The following CABCOCO1 variants were observed in gnomAD, a reference collection of about 807,000 sequenced individuals.
CABCOCO1 encodes the protein ciliary-associated calcium-binding coiled-coil protein 1.
CABCOCO1 carries 28 observed loss-of-function variants against 35.7 expected under a neutral mutation model. The observed-to-expected ratio is 0.78, with a 90% confidence interval of 0.58 to 1.07. The LOEUF (loss-of-function observed/expected upper bound fraction) is 1.07, where lower values mean the gene tolerates loss of function less well. Among genes scored for constraint, CABCOCO1 ranks in the 50% least tolerant of loss-of-function variants. The pLI is 0.00. For missense variants in CABCOCO1, 326 were observed against 309.2 expected (o/e 1.05, Z -0.41); for synonymous variants, 95 against 100.1 (o/e 0.95, Z 0.30).
intron 1 of CABCOCO1, among the ~76,000 whole-genome samples, chr10:61,663,427 G>GC (rs1446945090): frequency 6.6e-6 from 1 of 151,366 alleles, no homozygotes; most frequent in African/African-American, 2.4e-5. Flanking sequence ...TTTTAAATGA[G>GC]CCAGTCTCTT....
chr10:61,680,451 T>C (rs1839688734), intron 2 of CABCOCO1, among the ~76,000 whole-genome samples: 1 of 40,194 alleles, frequency 2.5e-5, no homozygotes, highest in South Asian at 6.6e-4. Context: ...TAATATATTT[T>C]ATATATAACA....
chr10:61,684,970 A>G (rs888828464), intron 3 of CABCOCO1: 1 of 152,254 alleles, frequency 6.6e-6, no homozygotes, highest in Non-Finnish European at 1.5e-5. Flanking sequence ...CAAATGCCAC[A>G]GAAGACGGTT....
intron 5 of CABCOCO1, among the ~76,000 whole-genome samples, chr10:61,703,236 A>T (rs975480942): frequency 2.0e-5 from 3 of 149,562 alleles, no homozygotes; most frequent in African/African-American, 7.4e-5. Flanking sequence ...AGACACACAC[A>T]CACACACACA....
intron 5 of CABCOCO1, among the ~76,000 whole-genome samples, chr10:61,708,226 C>A (rs1365764164): frequency 6.6e-6 from 1 of 150,970 alleles, no homozygotes; most frequent in African/African-American, 2.4e-5. Flanking sequence ...TCAATGAATT[C>A]ATGAATGTGT....
intron 5 of CABCOCO1, among the ~76,000 whole-genome samples, chr10:61,755,233 G>A (rs1233729853): frequency 6.6e-6 from 1 of 152,072 alleles, no homozygotes; most frequent in Non-Finnish European, 1.5e-5. Flanking sequence ...GCATTTTGCA[G>A]GTGGCATTCA....
chr10:61,718,031 G>A (rs959519615), intron 5 of CABCOCO1, among the ~76,000 whole-genome samples: 11 of 152,072 alleles, frequency 7.2e-5, no homozygotes, highest in Admixed American at 4.6e-4. Flanking sequence ...ATGCTGGTCC[G>A]CGTGGTTCAG....
intron 5 of CABCOCO1, among the ~76,000 whole-genome samples, chr10:61,702,522 A>G (rs960770174): frequency 2.6e-5 from 4 of 152,190 alleles, no homozygotes; most frequent in African/African-American, 9.7e-5. Context: ...AGCTGGCTCT[A>G]TCTTGGTGAA....
intron 7 of CABCOCO1, 131 bp from the exon 8 acceptor site, chr10:61,765,807 TG>T: frequency 4.1e-6 from 3 of 726,592 alleles, no homozygotes. Context: ...AACACAGCTA[TG>T]TCTGCAAAAC....
chr10:61,726,817 G>A (rs1177154948), intron 5 of CABCOCO1, among the ~76,000 whole-genome samples: 1 of 146,642 alleles, frequency 6.8e-6, no homozygotes, highest in Non-Finnish European at 1.5e-5. Flanking sequence ...CAGCACTTTG[G>A]GAGGCGAGCG....
chr10:61,672,817 G>A, intron 2 of CABCOCO1, 82 bp downstream of exon 2: 3 of 856,518 alleles, frequency 3.5e-6, no homozygotes, highest in Non-Finnish European at 4.2e-6. Flanking sequence ...ACATGTATAA[G>A]CTTTTTTCAC....
chr10:61,678,368 C>A (rs892741872), intron 2 of CABCOCO1, among the ~76,000 whole-genome samples: 1 of 152,026 alleles, frequency 6.6e-6, no homozygotes, highest in African/African-American at 2.4e-5. Context: ...AAATGATGTC[C>A]AGTGCAAATT....
chr10:61,691,857 T>C (rs1321310162), intron 5 of CABCOCO1, among the ~76,000 whole-genome samples: 2 of 152,186 alleles, frequency 1.3e-5, no homozygotes, highest in Admixed American at 6.5e-5. Flanking sequence ...TATTCCATGG[T>C]GTATATGTGC....
At position 61,760,041 on chromosome 10, in the gene CABCOCO1, C is replaced by A; in HGVS notation, c.553-18C>A. ...CACCAAAGGCTCTGTCATAATTCAA[C>A]TTTTTTCTTCCCATCAGCAAGTGAT... On this transcript the variant is annotated intron_variant, in intron 5 of 7. Coordinates refer to ENST00000648843, the MANE Select transcript of CABCOCO1 (RefSeq NM_001366906.2). The A allele has an allele frequency of 6.2e-7, 1 of 1,612,000 alleles. No homozygotes were observed. The highest frequency in any genetic ancestry group is 1.3e-5 in the African/African-American group (1 of 74,910).
chr10:61,701,520 G>A (rs1840459165), intron 5 of CABCOCO1, among the ~76,000 whole-genome samples: 1 of 152,114 alleles, frequency 6.6e-6, no homozygotes, highest in Admixed American at 6.6e-5. Context: ...TTTAGCTAAG[G>A]GGATTTACTC....
chr10:61,705,440 T>C (rs1840570718), intron 5 of CABCOCO1, among the ~76,000 whole-genome samples: 1 of 152,212 alleles, frequency 6.6e-6, no homozygotes, highest in South Asian at 2.1e-4. Context: ...AGACTTTCTG[T>C]CAGTCAGTAA....
chr10:61,683,960 T>G (rs772891626), intron 3 of CABCOCO1, among the ~76,000 whole-genome samples: 2 of 152,186 alleles, frequency 1.3e-5, no homozygotes, highest in Non-Finnish European at 2.9e-5. Context: ...TATAATCAAT[T>G]ATCTAAGAAT....
At chr10:61,693,756 G>A (rs1406477792) in intron 5 of CABCOCO1, among the ~76,000 whole-genome samples, 1 of 151,868 alleles carries the variant, frequency 6.6e-6, no homozygotes, top group South Asian at 2.1e-4. Context: ...CTGGAAATAC[G>A]GAAGATAAAG....
chr10:61,747,232 AT>A (rs34572664), intron 5 of CABCOCO1, among the ~76,000 whole-genome samples: 25,121 of 152,052 alleles, frequency 0.17, 2,599 homozygotes, highest in East Asian at 0.55. Flanking sequence ...GGAAACTGGT[AT>A]TTTTTAGATA....
intron 5 of CABCOCO1, among the ~76,000 whole-genome samples, chr10:61,694,390 C>T (rs1049031832): frequency 1.3e-5 from 2 of 150,104 alleles, no homozygotes; most frequent in South Asian, 2.1e-4. Context: ...CCTGTGCATA[C>T]GTGGATTTTT....
Sources: gnomAD v4.1 joint callset for allele counts (sites outside exome capture counted in the v4.1 genomes callset) on GRCh38, gnomAD v4.1.1 for gene constraint, MANE v1.5 for transcripts, NCBI Gene and HGNC (gene_info 2026-07-23, HGNC 2026-07-21) for gene names.